Variants in ACAP2 observed in about 807,000 individuals in gnomAD.
ACAP2 encodes arf-GAP with coiled-coil, ANK repeat and PH domain-containing protein 2.
In ACAP2, 39 loss-of-function variants were observed where a neutral mutation model predicts 115.8. The observed-to-expected ratio is 0.34, with a 90% confidence interval of 0.26 to 0.44. The LOEUF (loss-of-function observed/expected upper bound fraction) is 0.44, where lower values mean the gene tolerates loss of function less well. Ranked by LOEUF, ACAP2 falls within the 20% of genes least tolerant of loss-of-function variation. The probability of loss-of-function intolerance (pLI) is 1.00; values close to 1 mark genes in which losing one functional copy is unlikely to be tolerated. For missense variants in ACAP2, 662 were observed against 927.6 expected, an observed-to-expected ratio of 0.71 and a Z score of 3.72; for synonymous variants, 289 against 315.8, an observed-to-expected ratio of 0.92 and a Z score of 0.90.
At chr3:195,425,026 C>CAAAA (rs10690317) in intron 1 of ACAP2, among the ~76,000 whole-genome samples, 937 of 26,634 alleles carry the variant, frequency 0.035, 164 homozygotes, top group African/African-American at 0.073. Context: ...GACTCCGTCT[C>CAAAA]AAAAAAAAAA....
chr3:195,344,762 AC>A (rs1731093003), intron 5 of ACAP2, among the ~76,000 whole-genome samples: 1 of 151,400 alleles, frequency 6.6e-6, no homozygotes. Flanking sequence ...CAGGTGATCC[AC>A]CCGCCTCAGT....
chr3:195,370,756 C>T (rs1269844522), intron 4 of ACAP2, among the ~76,000 whole-genome samples: 2 of 152,060 alleles, frequency 1.3e-5, no homozygotes, highest in African/African-American at 4.8e-5. Flanking sequence ...TCGAGACCAG[C>T]CTGGGCAACA....
At chr3:195,440,327 T>C (rs1375994729) in intron 1 of ACAP2, among the ~76,000 whole-genome samples, 2 of 152,228 alleles carry the variant, frequency 1.3e-5, no homozygotes, top group African/African-American at 4.8e-5. Flanking sequence ...TGCAACATCC[T>C]TCTCCCTATT....
chr3:195,352,899 G>A (rs1731706148), intron 4 of ACAP2, among the ~76,000 whole-genome samples: 2 of 151,980 alleles, frequency 1.3e-5, no homozygotes, highest in Non-Finnish European at 2.9e-5. Flanking sequence ...TGGCCAACAT[G>A]GTGAAACCCC....
At chr3:195,295,165 A>G in intron 17 of ACAP2, 1 of 1,218,532 alleles carries the variant, frequency 8.2e-7, no homozygotes, top group South Asian at 1.3e-5. Context: ...ACTGGCACAG[A>G]CTTGGAATGC....
At chr3:195,318,913 T>C (rs1488114509) in intron 10 of ACAP2, among the ~76,000 whole-genome samples, 2 of 152,220 alleles carry the variant, frequency 1.3e-5, no homozygotes, top group African/African-American at 2.4e-5. Flanking sequence ...TAAGAAATCT[T>C]TGAGGCAGCC....
intron 9 of ACAP2, 37 bp downstream of exon 9, chr3:195,326,848 A>G: frequency 2.5e-6 from 4 of 1,577,198 alleles, no homozygotes; most frequent in Non-Finnish European, 2.6e-6. Context: ...GCCATTGTAT[A>G]AAGTGGAATT....
intron 4 of ACAP2, among the ~76,000 whole-genome samples, chr3:195,358,421 A>G (rs529309771): frequency 6.6e-6 from 1 of 152,334 alleles, no homozygotes; most frequent in East Asian, 1.9e-4. Context: ...AGCAATGGAG[A>G]TATGTGACCT....
At chr3:195,434,008 A>G (rs755730049) in intron 1 of ACAP2, among the ~76,000 whole-genome samples, 1 of 152,114 alleles carries the variant, frequency 6.6e-6, no homozygotes, top group Non-Finnish European at 1.5e-5. Flanking sequence ...AGCTCACCAA[A>G]GCCTCAACTA....
At chr3:195,332,762 T>TGCGTTCATTCTCCC (rs1392489414) in intron 8 of ACAP2, among the ~76,000 whole-genome samples, 1 of 152,218 alleles carries the variant, frequency 6.6e-6, no homozygotes. Flanking sequence ...TAGTTTCTCC[T>TGCGTTCATTCTCCC]GCGTTCATTC....
At position 195,312,446 on chromosome 3, in the gene ACAP2, A is replaced by G. The variant is rs114021960; in HGVS notation, c.858-3609T>C. ...AGAGTTTACTAGCTTATTTCCCTCT[A>G]TATTTTTATTTGTTTAGACATATAT... On this transcript the variant is annotated intron_variant, in intron 10 of 22. Coordinates refer to ENST00000326793, the MANE Select transcript of ACAP2 (RefSeq NM_012287.6). 6.4e-3 allele frequency among the ~76,000 whole-genome samples: 981 copies of G among 152,254 alleles called. 10 individuals carry two copies. The highest frequency in any genetic ancestry group is 0.021 in the African/African-American group (873 of 41,546).
intron 3 of ACAP2, 104 bp downstream of exon 3, chr3:195,381,799 T>G: frequency 7.4e-7 from 1 of 1,351,496 alleles, no homozygotes; most frequent in Non-Finnish European, 1.0e-6. Context: ...TACTTCTAAT[T>G]TTAAGTATCA....
rs947227743 is a variant in ACAP2 at position 195,344,683 on chromosome 3, G to A, written c.344+576C>T. On this transcript the variant is annotated intron_variant, in intron 5 of 22. Transcript: ENST00000326793. Reference sequence around the variant, plus strand: ...TTACAGGCATGCACCACCCCGCCCCGCTAATTTTGTATTTTTAGTAGAGAC... The same window carrying A: ...TTACAGGCATGCACCACCCCGCCCCACTAATTTTGTATTTTTAGTAGAGAC... 3.3e-5 allele frequency among the ~76,000 whole-genome samples: 5 copies of A among 152,136 alleles called. No individual in the cohort carries two copies. The East Asian group carries it at 5.8e-4, about 18-fold the overall frequency.
At chr3:195,420,161 C>T (rs1250040488) in intron 1 of ACAP2, among the ~76,000 whole-genome samples, 1 of 151,906 alleles carries the variant, frequency 6.6e-6, no homozygotes, top group Non-Finnish European at 1.5e-5. Flanking sequence ...ATTATGAAGT[C>T]CTATAAATTT....
intron 9 of ACAP2, 95 bp downstream of exon 9, chr3:195,326,790 A>G: frequency 9.3e-7 from 1 of 1,073,374 alleles, no homozygotes; most frequent in Non-Finnish European, 1.4e-6. Context: ...AGAACAACTC[A>G]AAAGATTTGT....
rs1360802461 is a variant in ACAP2, at chr3:195,277,925, A to G, written c.*1403T>C. The stretch of plus-strand genomic sequence containing the variant: ...GGTGAAACCCGTCTTTACTAAAAAT[A>G]TAGAAATTAGCTCGGAATGGTGGCG... On this transcript the variant is annotated 3_prime_UTR_variant, in exon 23 of 23. Transcript: ENST00000326793. 6.6e-6 allele frequency: 1 copy of G among 152,112 alleles called. No individual in the cohort carries two copies. Among genetic ancestry groups the G allele is most frequent in the African/African-American group, 2.4e-5 (1 of 41,418 alleles). The allele number at this position is 152,112 out of a possible 1,614,324, so 9.4% of individuals were successfully genotyped here. A position where few individuals can be genotyped will look rare whatever the true frequency, so the allele number is the denominator to read the frequency against.
intron 1 of ACAP2, among the ~76,000 whole-genome samples, chr3:195,429,811 C>A (rs1429950780): frequency 6.6e-6 from 1 of 152,092 alleles, no homozygotes; most frequent in Non-Finnish European, 1.5e-5. Flanking sequence ...ATGTTTTCTC[C>A]TAAGAGATTT....
At chr3:195,356,596 G>A (rs1475327704) in intron 4 of ACAP2, among the ~76,000 whole-genome samples, 2 of 152,114 alleles carry the variant, frequency 1.3e-5, no homozygotes, top group African/African-American at 2.4e-5. Context: ...TTGAGAAGAG[G>A]AGAGGAAAGG....
chr3:195,381,927 A>C lies in ACAP2; in HGVS notation c.207T>G (p.Tyr69Ter). The C allele has an allele frequency of 6.2e-7, 1 of 1,610,882 alleles. No individual in the cohort carries two copies. Among genetic ancestry groups the C allele is most frequent in the Non-Finnish European group, 8.5e-7 (1 of 1,179,094 alleles). ...CCTCAACGACAGCATCATTACTAGA[A>C]TACTGAGCCAGGTCTCGAATCCCAT... ...FMNGIRDLAQ[Y>*]SSNDAVVETS... Residue 69 changes from tyrosine (Y) to a stop codon, truncating the protein, a stop_gained, in exon 3 of 23, where the codon TAT becomes TAG. Transcript: ENST00000326793. LOFTEE classifies it high-confidence loss of function.
Sources: allele counts gnomAD v4.1 joint callset (sites outside exome capture counted in the v4.1 genomes callset), GRCh38; gene constraint gnomAD v4.1.1; transcripts MANE v1.5; gene names NCBI Gene and HGNC (gene_info 2026-07-23, HGNC 2026-07-21).